Variants in RPH3A observed in about 807,000 individuals in gnomAD.
The protein encoded by RPH3A is rabphilin-3A.
Under a neutral mutation model 102.2 loss-of-function variants are expected in RPH3A, and 48 were observed. The ratio of observed to expected loss-of-function variants is 0.47; its 90% CI spans 0.37 to 0.60. RPH3A has a LOEUF of 0.60. Among genes scored for constraint, RPH3A ranks in the 20% least tolerant of loss-of-function variants. The pLI is 0.00. For synonymous variants in RPH3A, 310 were observed against 324.3 expected (o/e 0.96, Z 0.47); for missense variants, 781 against 910.1 (o/e 0.86, Z 1.83).
chr12:112,776,798 T>G (rs7136985), intron 1 of RPH3A, among the ~76,000 whole-genome samples: 4 of 148,798 alleles, frequency 2.7e-5, no homozygotes, highest in Middle Eastern at 3.5e-3. Context: ...GGTGTGAACC[T>G]GGGAGATGGA....
At chr12:112,751,181 G>T (rs1163003003) in intron 1 of RPH3A, among the ~76,000 whole-genome samples, 1 of 152,222 alleles carries the variant, frequency 6.6e-6, no homozygotes, top group Non-Finnish European at 1.5e-5. Flanking sequence ...CTCACTACAT[G>T]ATTCACACAC....
chr12:112,820,398 A>G (rs1236971769), intron 2 of RPH3A, among the ~76,000 whole-genome samples: 3 of 152,202 alleles, frequency 2.0e-5, no homozygotes, highest in African/African-American at 4.8e-5. Flanking sequence ...GAGGCAGCAT[A>G]GTAGAGTGAT....
At chr12:112,855,229 T>C (rs927531698) in intron 5 of RPH3A, among the ~76,000 whole-genome samples, 2 of 152,252 alleles carry the variant, frequency 1.3e-5, no homozygotes, top group African/African-American at 4.8e-5. Flanking sequence ...TGTGCCTTGG[T>C]TTCCCCATCT....
chr12:112,756,699 C>T (rs1242679100), intron 1 of RPH3A, among the ~76,000 whole-genome samples: 2 of 152,230 alleles, frequency 1.3e-5, no homozygotes, highest in African/African-American at 2.4e-5. Flanking sequence ...TACACTTCTT[C>T]AGTGAATAAC....
At chr12:112,674,037 G>A (rs1409672675) in intron 1 of RPH3A, among the ~76,000 whole-genome samples, 1 of 152,142 alleles carries the variant, frequency 6.6e-6, no homozygotes, top group Non-Finnish European at 1.5e-5. Context: ...GGAATTACAG[G>A]TGTGAGGCAC....
chr12:112,784,213 C>G (rs2041028343), intron 1 of RPH3A, among the ~76,000 whole-genome samples: 1 of 152,178 alleles, frequency 6.6e-6, no homozygotes, highest in African/African-American at 2.4e-5. Flanking sequence ...CCTTACTGGT[C>G]ATAAAGACAT....
intron 1 of RPH3A, among the ~76,000 whole-genome samples, chr12:112,641,350 T>C (rs1002049868): frequency 6.6e-6 from 1 of 152,168 alleles, no homozygotes; most frequent in Non-Finnish European, 1.5e-5. Flanking sequence ...GTGTTAAATG[T>C]GGTCAGATGT....
At chr12:112,879,252 G>A in intron 14 of RPH3A, 54 bp downstream of exon 14, 1 of 1,483,576 alleles carries the variant, frequency 6.7e-7, no homozygotes, top group Non-Finnish European at 9.4e-7. Context: ...GCATGGCTAG[G>A]AGACTCAGAT....
At position 112,713,023 on chromosome 12, in the gene RPH3A, C is replaced by CTTCT. The variant is rs2040485409; in HGVS notation, c.-139-79119_-139-79118insTCTT. ...CCTCTTCCTCTTCCTCTTCCTCTTC[C>CTTCT]TCTTCTTCTTCTTCTTCTTCTTCTT... On this transcript the variant is annotated intron_variant, in intron 1 of 21. Transcript: ENST00000543106. 9.1e-4 allele frequency among the ~76,000 whole-genome samples: 48 copies of CTTCT among 52,784 alleles called. 5 individuals are homozygous for CTTCT. Among genetic ancestry groups the CTTCT allele is most frequent in the East Asian group, 8.8e-3 (12 of 1,362 alleles). 34.6% of individuals were successfully genotyped at this position (52,784 alleles called of 152,430 possible). A position where few individuals can be genotyped will look rare whatever the true frequency, so the allele number is the denominator to read the frequency against.
chr12:112,806,694 G>A (rs2041471150), intron 2 of RPH3A, among the ~76,000 whole-genome samples: 1 of 152,066 alleles, frequency 6.6e-6, no homozygotes, highest in African/African-American at 2.4e-5. Context: ...ATTTGATTGG[G>A]AGAAATCCTC....
intron 1 of RPH3A, among the ~76,000 whole-genome samples, chr12:112,702,165 C>T (rs1178579236): frequency 6.6e-6 from 1 of 152,148 alleles, no homozygotes; most frequent in Non-Finnish European, 1.5e-5. Flanking sequence ...TATTTGTTTC[C>T]CTTTCCACTT....
chr12:112,666,661 T>G (rs953722249), intron 1 of RPH3A, among the ~76,000 whole-genome samples: 1 of 152,098 alleles, frequency 6.6e-6, no homozygotes, highest in African/African-American at 2.4e-5. Context: ...CAAAGATGCA[T>G]GAATCAGAGA....
intron 1 of RPH3A, among the ~76,000 whole-genome samples, chr12:112,590,097 A>AG (rs1001569661): frequency 1.3e-5 from 2 of 151,504 alleles, no homozygotes; most frequent in African/African-American, 4.9e-5. Flanking sequence ...AAAAAAAAAA[A>AG]GTAAAGGAAA....
chr12:112,632,889 T>A (rs1292330607), intron 1 of RPH3A, among the ~76,000 whole-genome samples: 1 of 152,088 alleles, frequency 6.6e-6, no homozygotes, highest in Non-Finnish European at 1.5e-5. Flanking sequence ...AAGGAGCTTA[T>A]GTACAAAAAC....
intron 1 of RPH3A, among the ~76,000 whole-genome samples, chr12:112,607,774 C>T (rs1328012608): frequency 6.6e-6 from 1 of 152,210 alleles, no homozygotes; most frequent in Non-Finnish European, 1.5e-5. Context: ...CTTCTCTCTG[C>T]AATTTCTCTT....
At chr12:112,893,619 T>G (rs2043134254) in intron 19 of RPH3A, 1 of 152,250 alleles carries the variant, frequency 6.6e-6, no homozygotes, top group Admixed American at 6.5e-5. Flanking sequence ...CCTCGAACTC[T>G]GGGGCTCAAG....
chr12:112,610,336 C>T (rs954041620), intron 1 of RPH3A, among the ~76,000 whole-genome samples: 1 of 152,000 alleles, frequency 6.6e-6, no homozygotes, highest in Non-Finnish European at 1.5e-5. Context: ...AACCCCGTCT[C>T]TACTAAAAAT....
chr12:112,886,586 C>T (rs144809572), intron 16 of RPH3A, among the ~76,000 whole-genome samples: 2 of 152,286 alleles, frequency 1.3e-5, no homozygotes, highest in East Asian at 1.9e-4. Context: ...AGGCCACAGA[C>T]TGGTACTGGT....
At chr12:112,612,043 C>T (rs149098407) in intron 1 of RPH3A, among the ~76,000 whole-genome samples, 6 of 152,230 alleles carry the variant, frequency 3.9e-5, no homozygotes, top group East Asian at 1.9e-4. Flanking sequence ...TAATGAAATC[C>T]GGGCTATAAA....
Sources: gnomAD v4.1 joint callset for allele counts (sites outside exome capture counted in the v4.1 genomes callset) on GRCh38, gnomAD v4.1.1 for gene constraint, MANE v1.5 for transcripts, NCBI Gene and HGNC (gene_info 2026-07-23, HGNC 2026-07-21) for gene names.